ZNF705G: variants seen among roughly 807,000 people sequenced by gnomAD.
ZNF705G encodes the protein zinc finger protein 705G, also known as putative zinc finger protein 705G.
Under a neutral mutation model 19.6 loss-of-function variants are expected in ZNF705G, and 23 were observed. The ratio of observed to expected loss-of-function variants is 1.17; its 90% confidence interval spans 0.84 to 1.66. The LOEUF (loss-of-function observed/expected upper bound fraction) is 1.66. Among genes scored for constraint, ZNF705G ranks in the 40% most tolerant of loss-of-function variants. The pLI, the probability that ZNF705G is intolerant of heterozygous loss-of-function variation, is 0.00. For synonymous variants in ZNF705G, 146 were observed against 117.7 expected (o/e 1.24, Z -1.56); for missense variants, 457 against 354.4 (o/e 1.29, Z -2.32).
At chr8:7,363,177 T>G (rs1806686989) in intron 2 of ZNF705G, among the ~76,000 whole-genome samples, 160 bp from the exon 3 acceptor site, 2 of 149,322 alleles carry the variant, frequency 1.3e-5, no homozygotes, top group Admixed American at 6.6e-5. Flanking sequence ...TTTCCCGTGG[T>G]CAAAATTAAG....
intron 2 of ZNF705G, among the ~76,000 whole-genome samples, chr8:7,363,908 G>A (rs1405959070): frequency 1.3e-5 from 2 of 149,452 alleles, no homozygotes; most frequent in East Asian, 1.9e-4. Flanking sequence ...TGCTAATATA[G>A]CCCTTAAAAT....
intron 6 of ZNF705G, among the ~76,000 whole-genome samples, chr8:7,359,189 A>C (rs1198572517): frequency 6.7e-6 from 1 of 149,534 alleles, no homozygotes; most frequent in Non-Finnish European, 1.5e-5. Flanking sequence ...TCTTTGGAGA[A>C]AGGCATACAC....
intron 2 of ZNF705G, among the ~76,000 whole-genome samples, chr8:7,379,721 C>T (rs1487801244): frequency 1.4e-5 from 2 of 147,262 alleles, no homozygotes; most frequent in Non-Finnish European, 2.9e-5. Flanking sequence ...GCAATCCTAG[C>T]CAAGGGACAG....
At position 7,356,412 on chromosome 8, in the gene ZNF705G, TAGA is replaced by T. The variant is rs1806250622; in HGVS notation, c.*1561_*1563del. 1 of 149,730 alleles carries T rather than the reference TAGA, an allele frequency of 6.7e-6. No homozygotes were observed. The highest frequency in any genetic ancestry group is 2.6e-5 in the African/African-American group (1 of 38,892). 9.3% of individuals were successfully genotyped at this position (149,730 alleles called of 1,614,324 possible). ...AAAATTTCAAGAGTCTTCTGAGGGA[TAGA>T]AGAGAAGAGCTGCCTTATTCTCTGA... On this transcript the variant is annotated 3_prime_UTR_variant, in exon 7 of 7. Transcript: ENST00000400156.
chr8:7,379,635 G>A (rs1284237683), intron 2 of ZNF705G, among the ~76,000 whole-genome samples: 4 of 147,266 alleles, frequency 2.7e-5, no homozygotes, highest in Non-Finnish European at 4.4e-5. Context: ...TCAGCTTAAA[G>A]CCAGGACAGG....
At chr8:7,371,428 A>G (rs1280246129) in intron 2 of ZNF705G, among the ~76,000 whole-genome samples, 82 of 137,958 alleles carry the variant, frequency 5.9e-4, no homozygotes, top group African/African-American at 2.0e-3. Context: ...TGTATTACAT[A>G]CTTAAAATTT....
chr8:7,367,794 G>C lies in ZNF705G; in HGVS notation c.-71-4777C>G, dbSNP rs1313733299. On this transcript the variant is annotated intron_variant, in intron 2 of 6. Transcript: ENST00000400156. ...TCTCTTTTTCCACTGTATGCCCTTC[G>C]GTCGAATTCTTTCTTCTAGGAGGCA... Among the ~76,000 whole-genome samples the C allele has an allele frequency of 4.0e-5, 6 of 149,636 alleles. 1 individual carries two copies. The highest frequency in any genetic ancestry group is 1.5e-4 in the African/African-American group (6 of 39,040).
At chr8:7,379,303 G>GC (rs1807383219) in intron 2 of ZNF705G, among the ~76,000 whole-genome samples, 1 of 147,320 alleles carries the variant, frequency 6.8e-6, no homozygotes, top group South Asian at 2.1e-4. Flanking sequence ...TTTCCTCAGT[G>GC]CACTCTTGAA....
intron 5 of ZNF705G, among the ~76,000 whole-genome samples, chr8:7,359,904 G>A (rs1168983391): frequency 5.3e-5 from 8 of 149,536 alleles, no homozygotes; most frequent in African/African-American, 2.1e-4. Flanking sequence ...TGTGAAAAGA[G>A]TTAAAATGGA....
chr8:7,368,853 G>T (rs1166527997), intron 2 of ZNF705G, among the ~76,000 whole-genome samples: 1 of 149,616 alleles, frequency 6.7e-6, no homozygotes, highest in Non-Finnish European at 1.5e-5. Context: ...CACCGCTTTA[G>T]AGGGTGCAAG....
At chr8:7,376,881 G>GTA (rs1491218015) in intron 2 of ZNF705G, among the ~76,000 whole-genome samples, 2 of 14,458 alleles carry the variant, frequency 1.4e-4, no homozygotes, top group Admixed American at 1.1e-3. Flanking sequence ...TATAGAGAGA[G>GTA]TGTGTGTGTG....
rs374074662 is a variant in ZNF705G at position 7,358,414 on chromosome 8, A to T, written c.465T>A (p.Asn155Lys). 41 of 1,607,508 alleles carry T rather than the reference A, an allele frequency of 2.6e-5. 3 individuals carry two copies. In the African/African-American group the frequency reaches 4.9e-4, roughly 19 times the overall value. ...GTTTATGTGGTTCAGTGGACAAAAG[A>T]TTACGAAGGGATTTTCCACACTGTT... ...VSKQCGKSLR[N>K]LLSTEPHKQI... The change falls in exon 7 of 7, where the codon AAT becomes AAA. Residue 155 changes from asparagine to lysine, a missense_variant. Physicochemically the swap from Asn to Lys is moderately conservative, Grantham distance 94. Coordinates refer to ENST00000400156, the MANE Select transcript of ZNF705G (RefSeq NM_001164457.3).
chr8:7,383,810 T>A (rs1807613272), intron 1 of ZNF705G, among the ~76,000 whole-genome samples: 1 of 147,528 alleles, frequency 6.8e-6, no homozygotes, highest in Admixed American at 6.6e-5. Context: ...GGTGTCTTGA[T>A]CTTGGACTTC....
At chr8:7,366,218 T>C (rs554366999) in intron 2 of ZNF705G, among the ~76,000 whole-genome samples, 2 of 96,424 alleles carry the variant, frequency 2.1e-5, no homozygotes, top group South Asian at 3.3e-4. Flanking sequence ...AATCCTATTA[T>C]CTTGACAGGA....
At chr8:7,381,900 T>TA (rs1163612946) in intron 1 of ZNF705G, among the ~76,000 whole-genome samples, 25 of 151,848 alleles carry the variant, frequency 1.6e-4, no homozygotes, top group African/African-American at 4.6e-4. Flanking sequence ...GTTGAAATTT[T>TA]AAAAAAATGA....
At chr8:7,362,332 T>G (rs1164303191) in intron 3 of ZNF705G, among the ~76,000 whole-genome samples, 2 of 149,828 alleles carry the variant, frequency 1.3e-5, no homozygotes, top group Non-Finnish European at 2.9e-5. Context: ...CTTCTTTAGT[T>G]GTCCTTTCAC....
intron 2 of ZNF705G, among the ~76,000 whole-genome samples, chr8:7,367,169 G>T (rs1247113963): frequency 2.0e-5 from 3 of 149,514 alleles, no homozygotes; most frequent in Non-Finnish European, 4.4e-5. Flanking sequence ...ATGAGATGCT[G>T]CCTTGATGGG....
At chr8:7,369,181 A>C (rs3989716) in intron 2 of ZNF705G, among the ~76,000 whole-genome samples, 55,147 of 146,540 alleles carry the variant, frequency 0.38, 5,605 homozygotes, top group African/African-American at 0.51. Context: ...CCACTGGGTC[A>C]CCCCACAACA....
chr8:7,382,663 TTC>T (rs1807547486), intron 1 of ZNF705G, among the ~76,000 whole-genome samples: 1 of 146,664 alleles, frequency 6.8e-6, no homozygotes, highest in Non-Finnish European at 1.5e-5. Context: ...CAAGATTACT[TTC>T]TGTCAACTGC....
Sources: gnomAD v4.1 joint callset for allele counts (sites outside exome capture counted in the v4.1 genomes callset) on GRCh38, gnomAD v4.1.1 for gene constraint, MANE v1.5 for transcripts, NCBI Gene and HGNC (gene_info 2026-07-23, HGNC 2026-07-21) for gene names.